Variants in CCL24 observed in about 807,000 individuals in gnomAD.
The protein encoded by CCL24 is C-C motif chemokine 24.
In CCL24, 6 loss-of-function variants were observed where a neutral mutation model predicts 8.6. The ratio of observed to expected loss-of-function variants is 0.70; its 90% CI spans 0.38 to 1.38. CCL24 has a LOEUF of 1.38. Among genes scored for constraint, CCL24 ranks in the 40% most tolerant of loss-of-function variants. The pLI is 0.02. For synonymous variants in CCL24, 59 were observed against 52.7 expected (o/e 1.12, Z -0.52); for missense variants, 126 against 147.1 (o/e 0.86, Z 0.74).
At chr7:75,817,233 A>T (rs1803911905), upstream of CCL24, among the ~76,000 whole-genome samples, 1 of 151,988 alleles carries the variant, frequency 6.6e-6, no homozygotes, top group South Asian at 2.1e-4. Context: ...ATGCCGGTTG[A>T]CTGCCTGCAT....
At chr7:75,818,979 G>A (rs1305054443) in intron 1 of CCL24, among the ~76,000 whole-genome samples, 2 of 149,742 alleles carry the variant, frequency 1.3e-5, no homozygotes, top group Non-Finnish European at 3.0e-5. Flanking sequence ...ATTTCCCTAA[G>A]GTAAGAAATA....
chr7:75,822,835 G>GA (rs1310273718), intron 1 of CCL24, among the ~76,000 whole-genome samples: 4 of 151,410 alleles, frequency 2.6e-5, no homozygotes, highest in African/African-American at 9.7e-5. Flanking sequence ...TCTCCAAAAA[G>GA]AAAAAAAAGA....
chr7:75,820,106 C>CTTCTTCTTCTTCTT (rs1554534861), intron 1 of CCL24, among the ~76,000 whole-genome samples: 38 of 72,044 alleles, frequency 5.3e-4, no homozygotes, highest in Admixed American at 1.5e-3. Context: ...TCTTCTTCTT[C>CTTCTTCTTCTTCTT]CTTCTTCTTC....
upstream of CCL24, among the ~76,000 whole-genome samples, chr7:75,817,982 C>T (rs1032621480): frequency 2.0e-5 from 3 of 151,994 alleles, no homozygotes; most frequent in African/African-American, 7.3e-5. Flanking sequence ...AGATGCACAC[C>T]ACCATGCCTG....
chr7:75,819,245 G>A (rs1803958722), intron 1 of CCL24, among the ~76,000 whole-genome samples: 1 of 104,698 alleles, frequency 9.6e-6, no homozygotes, highest in South Asian at 3.5e-4. Context: ...GCCAGACTGG[G>A]CAACAAGAGT....
intron 1 of CCL24, among the ~76,000 whole-genome samples, chr7:75,820,278 A>G (rs1318764368): frequency 6.6e-6 from 1 of 151,650 alleles, no homozygotes; most frequent in Non-Finnish European, 1.5e-5. Flanking sequence ...TCCCTGGTTC[A>G]GGCAATTCTC....
upstream of CCL24, among the ~76,000 whole-genome samples, chr7:75,817,758 C>T (rs1554534354): frequency 6.6e-6 from 1 of 152,052 alleles, no homozygotes; most frequent in East Asian, 1.9e-4. Flanking sequence ...CCACCTCGGC[C>T]TCCCAAAGTG....
At chr7:75,818,318 G>A (rs183263796), upstream of CCL24, among the ~76,000 whole-genome samples, 197 of 151,846 alleles carry the variant, frequency 1.3e-3, no homozygotes, top group African/African-American at 4.5e-3. Flanking sequence ...GTGGTGGCAC[G>A]CACCTGTAGT....
At chr7:75,819,392 A>G (rs1803977786) in intron 1 of CCL24, among the ~76,000 whole-genome samples, 1 of 134,294 alleles carries the variant, frequency 7.4e-6, no homozygotes, top group Non-Finnish European at 1.6e-5. Context: ...TGGGAGGCTG[A>G]GGCAGGAGGA....
chr7:75,812,862 G>A lies in CCL24; in HGVS notation c.191+444C>T, dbSNP rs11465300. Among the ~76,000 whole-genome samples the A allele has an allele frequency of 5.4e-3, 824 of 152,040 alleles. 7 individuals carry two copies. The highest frequency in any genetic ancestry group is 0.019 in the African/African-American group (784 of 41,476). On this transcript the variant is annotated intron_variant, in intron 2 of 2. Coordinates refer to ENST00000222902, the MANE Select transcript of CCL24 (RefSeq NM_002991.3). ...TGAGAATTGCTTGAACCTGGGAGGC[G>A]GAGGTTGCAGTGAGCCAAGATCGTA...
chr7:75,821,200 T>C (rs1804043199), intron 1 of CCL24, among the ~76,000 whole-genome samples: 1 of 151,746 alleles, frequency 6.6e-6, no homozygotes. Context: ...CCAAGGGGAG[T>C]TGGGCTTGAC....
rs376218311 is a variant in CCL24 at position 75,813,759 on chromosome 7, T to C, written c.-44A>G. On this transcript the variant is annotated 5_prime_UTR_variant, in exon 1 of 3. Coordinates refer to ENST00000222902, the MANE Select transcript of CCL24 (RefSeq NM_002991.3). ...ACCAGCTCGGGGCTCAAAGCTGACG[T>C]GCAGGAGGAAAGGACCTAGGGATAA... 7 of 1,532,976 alleles carry C rather than the reference T, an allele frequency of 4.6e-6. No individual in the cohort carries two copies. The highest frequency in any genetic ancestry group is 4.5e-5 in the South Asian group (4 of 89,276). The allele number at this position is 1,532,976 out of a possible 1,614,324, so 95.0% of individuals were successfully genotyped here. A position where few individuals can be genotyped will look rare whatever the true frequency, so the allele number is the denominator to read the frequency against.
chr7:75,819,319 T>A (rs1554534672), intron 1 of CCL24, among the ~76,000 whole-genome samples: 42 of 64,060 alleles, frequency 6.6e-4, no homozygotes, highest in South Asian at 1.0e-3. Context: ...TATATATATA[T>A]ATATATATAT....
At chr7:75,820,018 ACTT>A (rs1204717433) in intron 1 of CCL24, among the ~76,000 whole-genome samples, 7,049 of 104,038 alleles carry the variant, frequency 0.068, 349 homozygotes, top group African/African-American at 0.088. Flanking sequence ...TTAGTAAACT[ACTT>A]CTTCTTCTTC....
intron 1 of CCL24, among the ~76,000 whole-genome samples, chr7:75,821,301 C>A (rs1243027119): frequency 6.6e-6 from 1 of 151,438 alleles, no homozygotes; most frequent in East Asian, 1.9e-4. Flanking sequence ...CAGGTTGGAG[C>A]CTTAAAGAAA....
At chr7:75,820,028 C>CTTCTTG (rs1803994843) in intron 1 of CCL24, among the ~76,000 whole-genome samples, 1 of 113,308 alleles carries the variant, frequency 8.8e-6, no homozygotes, top group Non-Finnish European at 1.9e-5. Context: ...ACTTCTTCTT[C>CTTCTTG]TTCTTCTTCT....
intron 2 of CCL24, among the ~76,000 whole-genome samples, 177 bp from the exon 3 acceptor site, chr7:75,812,141 A>C (rs530250413): frequency 9.2e-5 from 14 of 151,592 alleles, no homozygotes; most frequent in African/African-American, 2.7e-4. Context: ...GGCTGCAATA[A>C]AGTGGCGATC....
chr7:75,822,333 G>A (rs1286994187), intron 1 of CCL24, among the ~76,000 whole-genome samples: 1 of 152,132 alleles, frequency 6.6e-6, no homozygotes, highest in Non-Finnish European at 1.5e-5. Context: ...AAGGTGTTTA[G>A]CCTCTGTGAA....
intron 1 of CCL24, among the ~76,000 whole-genome samples, chr7:75,821,558 AGGGGCTGTG>A (rs1327579960): frequency 2.0e-5 from 3 of 152,128 alleles, no homozygotes; most frequent in Non-Finnish European, 2.9e-5. Context: ...AACAGTCTGC[AGGGGCTGTG>A]GGGCTTCCAG....
Sources: gnomAD v4.1 joint callset for allele counts (sites outside exome capture counted in the v4.1 genomes callset) on GRCh38, gnomAD v4.1.1 for gene constraint, MANE v1.5 for transcripts, NCBI Gene and HGNC (gene_info 2026-07-23, HGNC 2026-07-21) for gene names.